The following TMEM35B variants were observed in gnomAD, a reference collection of about 807,000 sequenced individuals.
TMEM35B encodes the protein transmembrane protein 35B.
A neutral mutation model predicts 8.7 loss-of-function variants in TMEM35B; 6 were observed. The ratio of observed to expected loss-of-function variants is 0.69; its 90% CI spans 0.38 to 1.36. The LOEUF (loss-of-function observed/expected upper bound fraction) is 1.36. Among genes scored for constraint, TMEM35B ranks in the 40% most tolerant of loss-of-function variants. The probability of loss-of-function intolerance (pLI) is 0.02; values close to 1 mark genes in which losing one functional copy is unlikely to be tolerated. For synonymous variants in TMEM35B, 89 were observed against 87.0 expected, an observed-to-expected ratio of 1.02 and a Z score of -0.13; for missense variants, 176 against 181.6, an observed-to-expected ratio of 0.97 and a Z score of 0.18.
intron 1 of TMEM35B, 108 bp from the exon 2 acceptor site, chr1:34,984,055 A>C: frequency 8.9e-7 from 1 of 1,127,984 alleles, no homozygotes; most frequent in Non-Finnish European, 1.2e-6. Flanking sequence ...CAGAGAAAAG[A>C]ACTACTACTC....
intron 1 of TMEM35B, among the ~76,000 whole-genome samples, 159 bp downstream of exon 1, chr1:34,985,039 G>A (rs1171203890): frequency 6.6e-6 from 1 of 152,126 alleles, no homozygotes; most frequent in Non-Finnish European, 1.5e-5. Flanking sequence ...AACTCCCCAG[G>A]CAGGACCTGC....
chr1:34,985,042 G>C (rs944293590), intron 1 of TMEM35B, among the ~76,000 whole-genome samples, 156 bp downstream of exon 1: 6 of 152,154 alleles, frequency 3.9e-5, no homozygotes, highest in African/African-American at 1.4e-4. Context: ...TCCCCAGGCA[G>C]GACCTGCGCC....
At chr1:34,985,271 A>G (rs1402932056) in exon 1 of TMEM35B, 3 of 1,543,006 alleles carry the variant, frequency 1.9e-6, no homozygotes, top group African/African-American at 2.8e-5. Flanking sequence ...GAAGCCGCCC[A>G]GCAGTACACG....
chr1:34,983,395 G>T (rs1028814636), intron 2 of TMEM35B, among the ~76,000 whole-genome samples: 1 of 151,876 alleles, frequency 6.6e-6, no homozygotes, highest in Non-Finnish European at 1.5e-5. Flanking sequence ...TGGCTAACAT[G>T]GTGAAACCCT....
chr1:34,985,298 A>C (rs780739916), exon 1 of TMEM35B: 1 of 1,531,994 alleles, frequency 6.5e-7, no homozygotes, highest in African/African-American at 1.4e-5. Flanking sequence ...CGAAAGCAGG[A>C]GCGCCATGGC....
At position 34,984,195 on chromosome 1, in the gene TMEM35B, A is replaced by G. The variant is rs1191542739; in HGVS notation, c.109-248T>C. Among the ~76,000 whole-genome samples, 3 of 152,226 alleles carry G rather than the reference A, an allele frequency of 2.0e-5. No homozygotes were observed. The East Asian group carries it at 5.8e-4, about 29-fold the overall frequency. Reference sequence around the variant, plus strand: ...ATTGATCTTCTCACTAGACCTCTCAAGAGATTACAACCCAGCCCCAAATCC... The same window carrying G: ...ATTGATCTTCTCACTAGACCTCTCAGGAGATTACAACCCAGCCCCAAATCC... On this transcript the variant is annotated intron_variant, in intron 1 of 2. Coordinates refer to ENST00000373337, the Ensembl canonical transcript of TMEM35B.
Sources: allele counts gnomAD v4.1 joint callset (sites outside exome capture counted in the v4.1 genomes callset), GRCh38; gene constraint gnomAD v4.1.1; transcripts MANE v1.5; gene names NCBI Gene and HGNC (gene_info 2026-07-23, HGNC 2026-07-21).